The following SPATS1 variants were observed in gnomAD, a reference collection of about 807,000 sequenced individuals.
The protein encoded by SPATS1 is spermatogenesis associated serine rich 1.
A neutral mutation model predicts 33.6 loss-of-function variants in SPATS1; 23 were observed. The ratio of observed to expected loss-of-function variants is 0.68; its 90% CI spans 0.49 to 0.97. SPATS1 has a LOEUF of 0.97. SPATS1 is among the 50% of genes least tolerant of loss of function. The pLI is 0.00. For synonymous variants in SPATS1, 131 were observed against 125.6 expected, an observed-to-expected ratio of 1.04 and a Z score of -0.29; for missense variants, 327 against 361.0, an observed-to-expected ratio of 0.91 and a Z score of 0.76.
chr6:44,362,561 A>G (rs1244339035), intron 5 of SPATS1, among the ~76,000 whole-genome samples: 1 of 152,226 alleles, frequency 6.6e-6, no homozygotes, highest in African/African-American at 2.4e-5. Context: ...CTGAGTACCA[A>G]CTGACCATTT....
At chr6:44,360,875 C>T (rs953942531) in intron 4 of SPATS1, among the ~76,000 whole-genome samples, 8 of 152,034 alleles carry the variant, frequency 5.3e-5, no homozygotes, top group African/African-American at 1.7e-4. Context: ...TGTGAAGAGT[C>T]GATATATATT....
Position 44,361,844 on chromosome 6 carries a change from TC to T in SPATS1, c.428del (p.Pro143LeufsTer60), listed in dbSNP as rs1312924443. The T allele has an allele frequency of 6.2e-7, 1 of 1,614,084 alleles. No individual in the cohort carries two copies. The highest frequency in any genetic ancestry group is 8.5e-7 in the Non-Finnish European group (1 of 1,180,040). ...GGTGTATTGCAGAAGATGGGCATCG[TC>T]CTGAGTGGACATTTTACCCAAGGTT... ...LKLQTKDGHR[P>X]EWTFYPRFSS... On this transcript the variant is annotated frameshift_variant, in exon 5 of 9. Coordinates refer to ENST00000674044, the MANE Select transcript of SPATS1 (RefSeq NM_001372081.1). LOFTEE classifies it high-confidence loss of function.
chr6:44,369,278 C>T (rs1789448550), intron 6 of SPATS1, among the ~76,000 whole-genome samples: 1 of 152,136 alleles, frequency 6.6e-6, no homozygotes, highest in African/African-American at 2.4e-5. Context: ...CGCGGTGGCT[C>T]ACGCCTGTAA....
intron 2 of SPATS1, among the ~76,000 whole-genome samples, chr6:44,350,878 C>G (rs1015877999): frequency 6.6e-6 from 1 of 152,058 alleles, no homozygotes; most frequent in Non-Finnish European, 1.5e-5. Flanking sequence ...AATCCCAACA[C>G]TTTAGGAGGC....
rs570825324 is a variant in SPATS1 at position 44,355,735 on chromosome 6, T to C, written c.287+2862T>C. On this transcript the variant is annotated intron_variant, in intron 3 of 8. Coordinates refer to ENST00000674044, the MANE Select transcript of SPATS1 (RefSeq NM_001372081.1). ...CAAAATCTGCTCCAAGTGGACTTGC[T>C]GCCCCCAGCACTAGACATGGAAGAG... 2.0e-5 allele frequency among the ~76,000 whole-genome samples: 3 copies of C among 152,362 alleles called. No homozygotes were observed. The East Asian group carries it at 5.8e-4, about 29-fold the overall frequency.
chr6:44,343,798 C>T (rs1787709986), intron 2 of SPATS1, among the ~76,000 whole-genome samples: 1 of 152,186 alleles, frequency 6.6e-6, no homozygotes, highest in Non-Finnish European at 1.5e-5. Flanking sequence ...GCTGAACAGC[C>T]ACAGTCTCCC....
chr6:44,362,040 C>T (rs114150800), intron 5 of SPATS1, 48 bp downstream of exon 5: 27 of 1,611,198 alleles, frequency 1.7e-5, no homozygotes, highest in African/African-American at 2.7e-5. Flanking sequence ...GAAAAACTCT[C>T]GAGTCGTGAT....
chr6:44,363,861 G>A lies in SPATS1; in HGVS notation c.574+1869G>A, dbSNP rs370915312. 3.3e-5 allele frequency among the ~76,000 whole-genome samples: 5 copies of A among 151,980 alleles called. No individual in the cohort carries two copies. The East Asian group carries it at 5.8e-4, about 18-fold the overall frequency. On this transcript the variant is annotated intron_variant, in intron 5 of 8. Coordinates refer to ENST00000674044, the MANE Select transcript of SPATS1 (RefSeq NM_001372081.1). ...AAAATGAAATATCACAAATACTTGC[G>A]TTCTTTTACTCCACTTAAGAAATAA...
At chr6:44,352,606 G>A (rs748559683) in intron 2 of SPATS1, 120 bp from the exon 3 acceptor site, 33 of 853,046 alleles carry the variant, frequency 3.9e-5, no homozygotes, top group Non-Finnish European at 5.0e-5. Context: ...AATCCTCAGT[G>A]CACAGTAAAT....
chr6:44,371,935 A>G (rs1275081646), intron 7 of SPATS1, among the ~76,000 whole-genome samples: 1 of 128,074 alleles, frequency 7.8e-6, no homozygotes, highest in African/African-American at 3.1e-5. Flanking sequence ...ACACAGCGAG[A>G]CTCCGTCTCA....
At chr6:44,343,504 C>T (rs1215342841) in intron 2 of SPATS1, 1 of 551,594 alleles carries the variant, frequency 1.8e-6, no homozygotes. Flanking sequence ...GTAAAGGGAG[C>T]CAGAGATTTG....
At chr6:44,376,562 G>A (rs1163872794) in intron 8 of SPATS1, 89 bp downstream of exon 8, 3 of 883,388 alleles carry the variant, frequency 3.4e-6, no homozygotes, top group Non-Finnish European at 5.2e-6. Context: ...AGCACTTTGG[G>A]AGGCCGAGGC....
At chr6:44,363,330 A>G (rs112081250) in intron 5 of SPATS1, among the ~76,000 whole-genome samples, 2,908 of 152,048 alleles carry the variant, frequency 0.019, 90 homozygotes, top group African/African-American at 0.066. Context: ...TTTTTAGTAG[A>G]GACAGGGTTT....
At chr6:44,372,696 G>A (rs1028829918) in intron 7 of SPATS1, among the ~76,000 whole-genome samples, 7 of 152,096 alleles carry the variant, frequency 4.6e-5, no homozygotes, top group Non-Finnish European at 1.0e-4. Context: ...TCTTGACTTC[G>A]TGATCCACCT....
chr6:44,348,680 A>T (rs1010654049), intron 2 of SPATS1, among the ~76,000 whole-genome samples: 3 of 151,980 alleles, frequency 2.0e-5, no homozygotes, highest in Admixed American at 2.0e-4. Context: ...CTTGGAAAAA[A>T]CTCCAGAGAC....
chr6:44,364,576 G>A (rs1789123861), intron 5 of SPATS1, among the ~76,000 whole-genome samples: 1 of 152,056 alleles, frequency 6.6e-6, no homozygotes, highest in South Asian at 2.1e-4. Flanking sequence ...TACTTCTTAG[G>A]TGATGTACAG....
intron 2 of SPATS1, among the ~76,000 whole-genome samples, chr6:44,343,776 C>A (rs1355669578): frequency 6.6e-6 from 1 of 152,158 alleles, no homozygotes; most frequent in South Asian, 2.1e-4. Context: ...CTTTGGAGAA[C>A]AGTGTCATGG....
At chr6:44,345,731 A>G (rs1222523327) in intron 2 of SPATS1, among the ~76,000 whole-genome samples, 6 of 152,332 alleles carry the variant, frequency 3.9e-5, no homozygotes, top group East Asian at 3.9e-4. Flanking sequence ...TTTCATTCAC[A>G]TATGTGAATC....
At chr6:44,354,280 G>T (rs1219528650) in intron 3 of SPATS1, among the ~76,000 whole-genome samples, 3 of 151,728 alleles carry the variant, frequency 2.0e-5, no homozygotes, top group African/African-American at 7.3e-5. Context: ...GCTGCAGTGA[G>T]CCATGATCGA....
Sources: allele counts gnomAD v4.1 joint callset (sites outside exome capture counted in the v4.1 genomes callset), GRCh38; gene constraint gnomAD v4.1.1; transcripts MANE v1.5; gene names NCBI Gene and HGNC (gene_info 2026-07-23, HGNC 2026-07-21).